FBXW7: variants seen among roughly 807,000 people sequenced by gnomAD.
FBXW7 encodes the protein F-box/WD repeat-containing protein 7.
FBXW7 carries 11 observed loss-of-function variants against 86.3 expected under a neutral mutation model. The ratio of observed to expected loss-of-function variants is 0.13; its 90% CI spans 0.08 to 0.21. The LOEUF is 0.21. Among genes scored for constraint, FBXW7 ranks in the 10% least tolerant of loss-of-function variants. The pLI is 1.00. For synonymous variants in FBXW7, 313 were observed against 297.9 expected (o/e 1.05, Z -0.52); for missense variants, 488 against 847.4 (o/e 0.58, Z 5.27).
intron 4 of FBXW7, among the ~76,000 whole-genome samples, chr4:152,350,609 A>G (rs924524353): frequency 6.6e-6 from 1 of 151,864 alleles, no homozygotes; most frequent in African/African-American, 2.4e-5. Flanking sequence ...TCATACCATT[A>G]TAAGAGGGTA....
intron 2 of FBXW7, among the ~76,000 whole-genome samples, chr4:152,448,080 A>G (rs1281598224): frequency 6.6e-6 from 1 of 152,244 alleles, no homozygotes; most frequent in Non-Finnish European, 1.5e-5. Context: ...CTTGAAACGA[A>G]GAAAACAAGA....
chr4:152,486,230 C>G (rs1745327234), intron 2 of FBXW7, among the ~76,000 whole-genome samples: 1 of 152,064 alleles, frequency 6.6e-6, no homozygotes, highest in African/African-American at 2.4e-5. Flanking sequence ...ATGTGAAGGC[C>G]TAGGTCGTTA....
intron 2 of FBXW7, among the ~76,000 whole-genome samples, chr4:152,486,088 T>C (rs76342868): frequency 0.014 from 2,081 of 152,234 alleles, 26 homozygotes; most frequent in Middle Eastern, 0.037. Flanking sequence ...TATCTAGACA[T>C]AGAAAAGGTA....
chr4:152,498,970 G>A (rs1746645166), intron 2 of FBXW7, among the ~76,000 whole-genome samples: 1 of 152,100 alleles, frequency 6.6e-6, no homozygotes, highest in South Asian at 2.1e-4. Context: ...CGATCAATCA[G>A]GGCTCTAAGC....
intron 2 of FBXW7, among the ~76,000 whole-genome samples, chr4:152,459,285 T>C (rs1212419373): frequency 1.3e-5 from 2 of 152,202 alleles, no homozygotes; most frequent in Non-Finnish European, 2.9e-5. Context: ...AGCACTTCAC[T>C]TTTTCCAATC....
chr4:152,335,933 T>A (rs1395668962), intron 7 of FBXW7, among the ~76,000 whole-genome samples: 2 of 152,198 alleles, frequency 1.3e-5, no homozygotes, highest in Non-Finnish European at 2.9e-5. Flanking sequence ...GAGACTTCTG[T>A]CAAGCTTTTT....
chr4:152,401,106 T>C (rs1736886844), intron 4 of FBXW7, among the ~76,000 whole-genome samples: 1 of 152,226 alleles, frequency 6.6e-6, no homozygotes, highest in African/African-American at 2.4e-5. Context: ...TGCAAAAGTA[T>C]ATAGACACTT....
chr4:152,365,163 G>A lies in FBXW7; in HGVS notation c.502-15039C>T, dbSNP rs142092186. Among the ~76,000 whole-genome samples, 134 of 152,212 alleles carry A rather than the reference G, an allele frequency of 8.8e-4. 1 individual carries two copies. Among genetic ancestry groups the A allele is most frequent in the African/African-American group, 3.0e-3 (125 of 41,522 alleles). ...AATGACTGAGCTAGGTTCGGAGCAG[G>A]GAGGGATAACCACCTATAGCTAGAG... On this transcript the variant is annotated intron_variant, in intron 4 of 13. Coordinates refer to ENST00000281708, the MANE Select transcript of FBXW7 (RefSeq NM_001349798.2).
intron 2 of FBXW7, among the ~76,000 whole-genome samples, chr4:152,486,250 G>T (rs967198528): frequency 6.6e-6 from 1 of 152,102 alleles, no homozygotes; most frequent in African/African-American, 2.4e-5. Flanking sequence ...ACTGCACACG[G>T]CTGTAGGCTT....
intron 2 of FBXW7, among the ~76,000 whole-genome samples, chr4:152,458,527 C>CCAA: frequency 6.6e-6 from 1 of 152,268 alleles, no homozygotes; most frequent in Admixed American, 6.5e-5. Flanking sequence ...TATTAAGAAG[C>CCAA]CAACACATCT....
rs1750522748 is a variant in FBXW7, at chr4:152,535,935, GGTC to G, written c.-1024_-1022del. The G allele has an allele frequency of 3.2e-6, 1 of 315,660 alleles. No homozygotes were observed. The highest frequency in any genetic ancestry group is 2.2e-5 in the African/African-American group (1 of 46,344). The allele number at this position is 315,660 out of a possible 1,614,324, so 19.6% of individuals were successfully genotyped here. A position where few individuals can be genotyped will look rare whatever the true frequency, so the allele number is the denominator to read the frequency against. ...TCCCGCTGGCCCAGGTGAGAGCGAAGGTCTCGGCGGCGGCCAGTGCAGGGGGAC... is the reference window on the plus strand; with the variant it reads ...TCCCGCTGGCCCAGGTGAGAGCGAAGTCGGCGGCGGCCAGTGCAGGGGGAC... On this transcript the variant is annotated 5_prime_UTR_variant, in exon 1 of 14. Coordinates refer to ENST00000281708, the MANE Select transcript of FBXW7 (RefSeq NM_001349798.2).
At chr4:152,454,730 A>G (rs1742250893) in intron 2 of FBXW7, among the ~76,000 whole-genome samples, 1 of 152,180 alleles carries the variant, frequency 6.6e-6, no homozygotes, top group Non-Finnish European at 1.5e-5. Flanking sequence ...CTCCTTCCAA[A>G]AAACAAACAA....
intron 2 of FBXW7, chr4:152,530,598 A>T (rs982730178): frequency 2.0e-5 from 3 of 152,270 alleles, no homozygotes; most frequent in African/African-American, 7.2e-5. Context: ...CCATGAAGGC[A>T]AAAGTATTTT....
chr4:152,493,758 G>C (rs1746070507), intron 2 of FBXW7, among the ~76,000 whole-genome samples: 3 of 152,188 alleles, frequency 2.0e-5, no homozygotes. Context: ...CCAACACCTT[G>C]ATCTTTGACA....
intron 2 of FBXW7, among the ~76,000 whole-genome samples, chr4:152,471,868 C>G (rs1743998641): frequency 6.6e-6 from 1 of 151,858 alleles, no homozygotes; most frequent in Admixed American, 6.6e-5. Flanking sequence ...CCACTGCACT[C>G]CAGCCTGGGT....
In FBXW7 at chr4:152,321,999, G is replaced by C. The variant is rs1728592927; in HGVS notation, c.*882C>G. On this transcript the variant is annotated 3_prime_UTR_variant, in exon 14 of 14. Coordinates refer to ENST00000281708, the MANE Select transcript of FBXW7 (RefSeq NM_001349798.2). ...AAGTCTTTTTTCCATAACCAAACTA[G>C]AGCAAATTTGGAATTCAGTCTGGGA... is the stretch of plus-strand genomic sequence containing the variant. The C allele has an allele frequency of 4.3e-6, 1 of 232,570 alleles. No homozygotes were observed. Among genetic ancestry groups the C allele is most frequent in the Admixed American group, 5.6e-5 (1 of 17,722 alleles). The allele number at this position is 232,570 out of a possible 1,614,324, so 14.4% of individuals were successfully genotyped here. A position where few individuals can be genotyped will look rare whatever the true frequency, so the allele number is the denominator to read the frequency against.
intron 4 of FBXW7, among the ~76,000 whole-genome samples, chr4:152,403,865 T>C (rs562676463): frequency 8.5e-5 from 13 of 152,228 alleles, no homozygotes; most frequent in East Asian, 3.9e-4. Context: ...GACTCTGAAA[T>C]TGCTCGGAGA....
At chr4:152,469,999 A>C (rs1743805009) in intron 2 of FBXW7, among the ~76,000 whole-genome samples, 1 of 152,016 alleles carries the variant, frequency 6.6e-6, no homozygotes, top group Non-Finnish European at 1.5e-5. Flanking sequence ...CTATATAATA[A>C]AATTTTTTAA....
chr4:152,338,206 T>C lies in FBXW7; in HGVS notation c.727-270A>G, dbSNP rs548707852. On this transcript the variant is annotated intron_variant, in intron 6 of 13. Coordinates refer to ENST00000281708, the MANE Select transcript of FBXW7 (RefSeq NM_001349798.2). ...ATTACATTATTATAATAGTTATATG[T>C]TCATCTACCACCAAGTCACTAACTG... 1.6e-4 allele frequency: 37 copies of C among 229,904 alleles called. No individual in the cohort carries two copies. The East Asian group carries it at 3.1e-3, about 19-fold the overall frequency. 14.2% of individuals were successfully genotyped at this position (229,904 alleles called of 1,614,324 possible).
Sources: gnomAD v4.1 joint callset for allele counts (sites outside exome capture counted in the v4.1 genomes callset) on GRCh38, gnomAD v4.1.1 for gene constraint, MANE v1.5 for transcripts, NCBI Gene and HGNC (gene_info 2026-07-23, HGNC 2026-07-21) for gene names.